The following CNTN4 variants were observed in gnomAD, a reference collection of about 807,000 sequenced individuals.
CNTN4 encodes the protein contactin 4.
A neutral mutation model predicts 122.5 loss-of-function variants in CNTN4; 77 were observed. That is an observed-to-expected ratio of 0.63 (90% CI 0.52 to 0.76). The LOEUF is 0.76. Ranked by LOEUF, CNTN4 falls within the 30% of genes least tolerant of loss-of-function variation. The probability of loss-of-function intolerance (pLI) is 0.00; values close to 1 mark genes in which losing one functional copy is unlikely to be tolerated. For missense variants in CNTN4, 1,256 were observed against 1,259.1 expected, an observed-to-expected ratio of 1.00 and a Z score of 0.04; for synonymous variants, 512 against 447.0, an observed-to-expected ratio of 1.15 and a Z score of -1.83.
At chr3:2,302,706 A>G (rs1236368290) in intron 2 of CNTN4, among the ~76,000 whole-genome samples, 1 of 152,152 alleles carries the variant, frequency 6.6e-6, no homozygotes, top group African/African-American at 2.4e-5. Context: ...AGGACAAACA[A>G]CTCACCATTT....
rs1237428397 is a variant in CNTN4, at chr3:2,353,208, A to G, written c.-89+13975A>G. 2.0e-5 allele frequency among the ~76,000 whole-genome samples: 3 copies of G among 151,996 alleles called. No individual in the cohort carries two copies. The East Asian group carries it at 5.8e-4, about 30-fold the overall frequency. On this transcript the variant is annotated intron_variant, in intron 3 of 24. Transcript: ENST00000418658. ...AGGATATCTGGTGGGGACTGGGAGA[A>G]CTTTTATGTCTAGCTAGAGGACTGT...
At chr3:2,887,409 A>C (rs1237385332) in intron 10 of CNTN4, among the ~76,000 whole-genome samples, 185 bp downstream of exon 10, 1 of 151,798 alleles carries the variant, frequency 6.6e-6, no homozygotes, top group Non-Finnish European at 1.5e-5. Flanking sequence ...GTGGGGGGCA[A>C]GGGTGTTGAC....
chr3:2,354,050 A>C (rs892805990), intron 3 of CNTN4, among the ~76,000 whole-genome samples: 2 of 152,204 alleles, frequency 1.3e-5, no homozygotes, highest in Non-Finnish European at 2.9e-5. Context: ...CGTAACCTAA[A>C]GTAGGTTCCA....
At chr3:2,860,220 C>T (rs1442617376) in intron 7 of CNTN4, among the ~76,000 whole-genome samples, 4 of 152,160 alleles carry the variant, frequency 2.6e-5, no homozygotes, top group Non-Finnish European at 5.9e-5. Context: ...CGGTGAAAAG[C>T]TTTCACTTTA....
At chr3:2,983,342 G>C (rs905369449) in intron 13 of CNTN4, among the ~76,000 whole-genome samples, 6 of 148,340 alleles carry the variant, frequency 4.0e-5, no homozygotes, top group South Asian at 2.2e-4. Flanking sequence ...TGTCTATTTG[G>C]TGTCACCCAT....
At position 2,335,486 on chromosome 3, in the gene CNTN4, G is replaced by A. The variant is rs137909446; in HGVS notation, c.-144-3692G>A. On this transcript the variant is annotated intron_variant, in intron 2 of 24. Coordinates refer to ENST00000418658, the MANE Select transcript of CNTN4 (RefSeq NM_175607.3). ...AAATGAAAGGTCTTGCCTTGTGTTC[G>A]CCTCTAGGGAGAGACTATTAGCCAA... Among the ~76,000 whole-genome samples the A allele has an allele frequency of 2.3e-3, 344 of 151,942 alleles. 2 individuals carry two copies. The highest frequency in any genetic ancestry group is 7.7e-3 in the African/African-American group (320 of 41,438).
Position 2,267,466 on chromosome 3 carries a change from A to C in CNTN4, c.-144-71712A>C, listed in dbSNP as rs1286551806. On this transcript the variant is annotated intron_variant, in intron 2 of 24. Transcript: ENST00000418658. ...GGAATGAAAGGAATATTTGAATTGC[A>C]TCCCAGTTTCGAATAGGATATTGTT... is the stretch of plus-strand genomic sequence containing the variant. 3.3e-5 allele frequency among the ~76,000 whole-genome samples: 5 copies of C among 152,226 alleles called. No homozygotes were observed. The East Asian group carries it at 9.6e-4, about 29-fold the overall frequency.
chr3:2,230,815 G>A (rs2039456426), intron 2 of CNTN4, among the ~76,000 whole-genome samples: 1 of 151,794 alleles, frequency 6.6e-6, no homozygotes, highest in Non-Finnish European at 1.5e-5. Flanking sequence ...CAAAAACCCT[G>A]TCTTTATAAA....
At chr3:2,877,664 A>G (rs1380617106) in intron 8 of CNTN4, among the ~76,000 whole-genome samples, 1 of 152,036 alleles carries the variant, frequency 6.6e-6, no homozygotes, top group Non-Finnish European at 1.5e-5. Flanking sequence ...ACCTTTTTTA[A>G]TAGTTCGAAG....
chr3:3,003,704 A>AC lies in CNTN4; in HGVS notation c.1486+15232_1486+15233insC, dbSNP rs766512072. 9.4e-3 allele frequency among the ~76,000 whole-genome samples: 1,310 copies of AC among 140,018 alleles called. 14 individuals carry two copies. Among genetic ancestry groups the AC allele is most frequent in the Admixed American group, 0.026 (353 of 13,662 alleles). 91.9% of individuals were successfully genotyped at this position (140,018 alleles called of 152,430 possible). A position where few individuals can be genotyped will look rare whatever the true frequency, so the allele number is the denominator to read the frequency against. On this transcript the variant is annotated intron_variant, in intron 14 of 24. Coordinates refer to ENST00000418658, the MANE Select transcript of CNTN4 (RefSeq NM_175607.3). The stretch of plus-strand genomic sequence containing the variant: ...TGCACCAAAAAAAAAAAAAAAAAAA[A>AC]AAAAAAAAAACAAAAAAACCCCACT...
intron 4 of CNTN4, among the ~76,000 whole-genome samples, chr3:2,632,778 A>G (rs1377521060): frequency 6.6e-6 from 1 of 152,156 alleles, no homozygotes; most frequent in African/African-American, 2.4e-5. Flanking sequence ...GGTATATGTC[A>G]TCACTGTCTT....
chr3:2,894,981 A>G (rs1285095835), intron 10 of CNTN4, among the ~76,000 whole-genome samples: 1 of 152,060 alleles, frequency 6.6e-6, no homozygotes, highest in Non-Finnish European at 1.5e-5. Context: ...ATGGCAGAAG[A>G]CTTCATTTTC....
chr3:2,204,604 A>G (rs2038253362), intron 2 of CNTN4, among the ~76,000 whole-genome samples: 2 of 152,326 alleles, frequency 1.3e-5, no homozygotes, highest in Middle Eastern at 6.8e-3. Flanking sequence ...GAAAAAAACA[A>G]TTAACTTATA....
intron 2 of CNTN4, among the ~76,000 whole-genome samples, chr3:2,301,570 C>T (rs7627282): frequency 2.1e-4 from 32 of 152,286 alleles, no homozygotes; most frequent in African/African-American, 7.7e-4. Flanking sequence ...TGGTTTTTAA[C>T]AGCTTCACCA....
intron 3 of CNTN4, among the ~76,000 whole-genome samples, chr3:2,496,717 A>T (rs2076462608): frequency 6.6e-6 from 1 of 152,234 alleles, no homozygotes; most frequent in South Asian, 2.1e-4. Flanking sequence ...AGGAAGGTCC[A>T]GGAATGTTGT....
chr3:2,297,446 A>G (rs2042354068), intron 2 of CNTN4, among the ~76,000 whole-genome samples: 2 of 152,180 alleles, frequency 1.3e-5, no homozygotes, highest in South Asian at 4.1e-4. Flanking sequence ...GTTGCTTTTG[A>G]AAACAGTGAG....
At chr3:2,855,039 G>A (rs1054675614) in intron 7 of CNTN4, among the ~76,000 whole-genome samples, 3 of 152,148 alleles carry the variant, frequency 2.0e-5, no homozygotes, top group Non-Finnish European at 2.9e-5. Flanking sequence ...CGAGTGACCC[G>A]TACAATACTG....
chr3:3,008,952 G>A (rs1696913059), intron 14 of CNTN4: 1 of 985,170 alleles, frequency 1.0e-6, no homozygotes, highest in Non-Finnish European at 1.2e-6. Flanking sequence ...GCCAAACCTT[G>A]GGCTGCACGG....
intron 2 of CNTN4, among the ~76,000 whole-genome samples, chr3:2,150,150 A>C (rs2035431641): frequency 6.6e-6 from 1 of 152,196 alleles, no homozygotes; most frequent in Non-Finnish European, 1.5e-5. Flanking sequence ...AGCATTTACC[A>C]CAGAGGTTAA....
Sources: gnomAD v4.1 joint callset for allele counts (sites outside exome capture counted in the v4.1 genomes callset) on GRCh38, gnomAD v4.1.1 for gene constraint, MANE v1.5 for transcripts, NCBI Gene and HGNC (gene_info 2026-07-23, HGNC 2026-07-21) for gene names.